MYO16: variants seen among roughly 807,000 people sequenced by gnomAD.
MYO16 encodes the protein myosin XVI, also known as unconventional myosin-XVI.
In MYO16, 94 loss-of-function variants were observed where a neutral mutation model predicts 205.3. The ratio of observed to expected loss-of-function variants is 0.46; its 90% CI spans 0.39 to 0.54. The LOEUF (loss-of-function observed/expected upper bound fraction) is 0.54. Among genes scored for constraint, MYO16 ranks in the 20% least tolerant of loss-of-function variants. The pLI is 0.00. For synonymous variants in MYO16, 988 were observed against 954.0 expected, an observed-to-expected ratio of 1.04 and a Z score of -0.66; for missense variants, 2,315 against 2,387.5, an observed-to-expected ratio of 0.97 and a Z score of 0.63.
At chr13:109,032,222 C>T (rs1190482533) in intron 23 of MYO16, among the ~76,000 whole-genome samples, 1 of 152,120 alleles carries the variant, frequency 6.6e-6, no homozygotes, top group Non-Finnish European at 1.5e-5. Context: ...CCATGTGTCT[C>T]TTGGCAGGAT....
chr13:109,067,867 T>C (rs1173799816), intron 27 of MYO16, among the ~76,000 whole-genome samples: 1 of 152,128 alleles, frequency 6.6e-6, no homozygotes, highest in Non-Finnish European at 1.5e-5. Context: ...AGAAAAGCGA[T>C]GTCTACAAAT....
At chr13:108,652,857 T>C (rs1400738064) in intron 1 of MYO16, among the ~76,000 whole-genome samples, 1 of 152,220 alleles carries the variant, frequency 6.6e-6, no homozygotes, top group Non-Finnish European at 1.5e-5. Context: ...AACGTGGGTA[T>C]ACAAATATCT....
Position 109,169,627 on chromosome 13 carries a change from TA to T in MYO16, c.5323+4578del, listed in dbSNP as rs35221178. ...AAATTTACATAAACAAATACATTCT[TA>T]AAAAAAAAAGAACTAACGAAAATGG... On this transcript the variant is annotated intron_variant, in intron 33 of 34. Coordinates refer to ENST00000457511, the MANE Select transcript of MYO16 (RefSeq NM_001198950.3). Among the ~76,000 whole-genome samples, 339 of 148,932 alleles carry T rather than the reference TA, an allele frequency of 2.3e-3. 2 individuals carry two copies. The highest frequency in any genetic ancestry group is 7.6e-3 in the African/African-American group (306 of 40,486).
At chr13:108,700,414 T>A (rs1388530875) in intron 2 of MYO16, among the ~76,000 whole-genome samples, 2 of 151,066 alleles carry the variant, frequency 1.3e-5, no homozygotes, top group Non-Finnish European at 2.9e-5. Context: ...GCAAGAGCAG[T>A]GTTTTGTGGT....
intron 16 of MYO16, among the ~76,000 whole-genome samples, chr13:108,935,592 A>C (rs1387754904): frequency 6.6e-6 from 1 of 152,112 alleles, no homozygotes; most frequent in African/African-American, 2.4e-5. Flanking sequence ...CTTCTTTTCC[A>C]ACTTGAATGC....
chr13:108,777,100 C>A (rs1318993239), intron 4 of MYO16, among the ~76,000 whole-genome samples: 1 of 152,094 alleles, frequency 6.6e-6, no homozygotes, highest in Non-Finnish European at 1.5e-5. Context: ...ATTAGTATAG[C>A]CTGCTTTTAC....
chr13:108,710,521 A>G (rs904945541), intron 2 of MYO16, among the ~76,000 whole-genome samples: 3 of 152,200 alleles, frequency 2.0e-5, no homozygotes, highest in Admixed American at 1.3e-4. Flanking sequence ...GCACGTAGTC[A>G]TTCCAGTCAT....
At chr13:108,738,165 T>G (rs1241026641) in intron 4 of MYO16, among the ~76,000 whole-genome samples, 1 of 119,780 alleles carries the variant, frequency 8.3e-6, no homozygotes, top group Non-Finnish European at 1.7e-5. Context: ...AGTTATCTCT[T>G]GCGTTCTGCT....
chr13:108,851,716 C>T (rs924434789), intron 10 of MYO16, among the ~76,000 whole-genome samples: 22 of 152,116 alleles, frequency 1.4e-4, no homozygotes, highest in African/African-American at 4.3e-4. Context: ...CCTCTTTGAC[C>T]TCTTCCTTGG....
chr13:108,553,237 T>C, the MYO16 span, among the ~76,000 whole-genome samples: 8,285 of 151,942 alleles, frequency 0.055, 713 homozygotes, highest in African/African-American at 0.18. Context: ...ATGATCCCCC[T>C]GCTTCAACCT....
chr13:108,655,384 A>T (rs533031990), intron 1 of MYO16, among the ~76,000 whole-genome samples: 1 of 151,952 alleles, frequency 6.6e-6, no homozygotes, highest in East Asian at 1.9e-4. Flanking sequence ...AGGTACACAG[A>T]AGTCAAAAAT....
chr13:108,860,507 A>G (rs377423418), intron 11 of MYO16, among the ~76,000 whole-genome samples: 1 of 152,178 alleles, frequency 6.6e-6, no homozygotes, highest in Admixed American at 6.5e-5. Context: ...GTGATTTATA[A>G]TTCTTTGGGT....
the MYO16 span, among the ~76,000 whole-genome samples, chr13:108,532,805 T>C: frequency 6.6e-6 from 1 of 151,926 alleles, no homozygotes; most frequent in Non-Finnish European, 1.5e-5. Flanking sequence ...TAAATAAATA[T>C]TACAAAATAC....
At chr13:108,782,591 G>A (rs1028237718) in intron 4 of MYO16, among the ~76,000 whole-genome samples, 2 of 152,192 alleles carry the variant, frequency 1.3e-5, no homozygotes, top group African/African-American at 2.4e-5. Flanking sequence ...CCAAGACAAT[G>A]GGGAAAATTT....
intron 7 of MYO16, among the ~76,000 whole-genome samples, chr13:108,807,638 G>A (rs1887155091): frequency 6.6e-6 from 1 of 152,064 alleles, no homozygotes; most frequent in Non-Finnish European, 1.5e-5. Context: ...TATCCCATTG[G>A]TTCAATATAT....
intron 2 of MYO16, among the ~76,000 whole-genome samples, chr13:108,667,423 G>C (rs1441552139): frequency 6.7e-6 from 1 of 150,026 alleles, no homozygotes. Flanking sequence ...CTTTACCCAT[G>C]AAGGAACTGA....
chr13:108,737,656 G>T (rs943957367), intron 4 of MYO16, among the ~76,000 whole-genome samples: 1 of 152,174 alleles, frequency 6.6e-6, no homozygotes, highest in Non-Finnish European at 1.5e-5. Flanking sequence ...CTCATAAAAT[G>T]AGTTAGGGAG....
intron 1 of MYO16, among the ~76,000 whole-genome samples, chr13:108,640,408 G>T (rs187963325): frequency 6.6e-6 from 1 of 152,158 alleles, no homozygotes; most frequent in Admixed American, 6.5e-5. Context: ...GCTGCAATTG[G>T]AAGGGAATGA....
At chr13:109,035,544 C>T (rs1462168749) in intron 23 of MYO16, among the ~76,000 whole-genome samples, 5 of 152,052 alleles carry the variant, frequency 3.3e-5, no homozygotes, top group Non-Finnish European at 7.4e-5. Context: ...ATTAGCCGGG[C>T]GTGGTGGTGT....
Sources: gnomAD v4.1 joint callset for allele counts (sites outside exome capture counted in the v4.1 genomes callset) on GRCh38, gnomAD v4.1.1 for gene constraint, MANE v1.5 for transcripts, NCBI Gene and HGNC (gene_info 2026-07-23, HGNC 2026-07-21) for gene names.